The following KCNIP1 variants were observed in gnomAD, a reference collection of about 807,000 sequenced individuals.
KCNIP1 encodes the protein A-type potassium channel modulatory protein KCNIP1.
In KCNIP1, 18 loss-of-function variants were observed where a neutral mutation model predicts 33.0. That is an observed-to-expected ratio of 0.55 (90% CI 0.38 to 0.81). The LOEUF (loss-of-function observed/expected upper bound fraction) is 0.81. Ranked by LOEUF, KCNIP1 falls within the 30% of genes least tolerant of loss-of-function variation. KCNIP1 has a pLI of 0.00. For missense variants in KCNIP1, 238 were observed against 271.6 expected (o/e 0.88, Z 0.87); for synonymous variants, 93 against 98.3 (o/e 0.95, Z 0.32).
chr5:170,630,731 G>A (rs1412826122), intron 1 of KCNIP1, among the ~76,000 whole-genome samples: 1 of 152,210 alleles, frequency 6.6e-6, no homozygotes, highest in East Asian at 1.9e-4. Flanking sequence ...AGCAATCACA[G>A]CCTCTCCATC....
At chr5:170,535,977 A>G (rs1302942232) in intron 1 of KCNIP1, among the ~76,000 whole-genome samples, 1 of 152,202 alleles carries the variant, frequency 6.6e-6, no homozygotes, top group Non-Finnish European at 1.5e-5. Context: ...CATCTGTGAA[A>G]TGGGATTGAT....
chr5:170,653,681 TTCTCTC>T (rs147435186), intron 1 of KCNIP1, among the ~76,000 whole-genome samples: 10 of 150,372 alleles, frequency 6.7e-5, no homozygotes, highest in African/African-American at 2.2e-4. Flanking sequence ...CTCAGTCTCC[TTCTCTC>T]TCTCTCTCTC....
intron 1 of KCNIP1, among the ~76,000 whole-genome samples, chr5:170,513,217 A>T (rs574513986): frequency 1.3e-5 from 2 of 152,376 alleles, no homozygotes; most frequent in Middle Eastern, 3.4e-3. Context: ...ATATCAAGCC[A>T]GAAGAGGCTT....
At chr5:170,531,029 C>T (rs1174643426) in intron 1 of KCNIP1, among the ~76,000 whole-genome samples, 7 of 152,156 alleles carry the variant, frequency 4.6e-5, no homozygotes, top group Non-Finnish European at 1.0e-4. Context: ...TAATAAATTC[C>T]TTCTCTGCAT....
chr5:170,637,615 C>G (rs1760339160), intron 1 of KCNIP1, among the ~76,000 whole-genome samples: 1 of 152,168 alleles, frequency 6.6e-6, no homozygotes, highest in Non-Finnish European at 1.5e-5. Context: ...TCAGGCTGTT[C>G]CCACTGCCTG....
intron 1 of KCNIP1, among the ~76,000 whole-genome samples, chr5:170,635,768 G>A (rs1310808794): frequency 6.6e-6 from 1 of 152,240 alleles, no homozygotes; most frequent in African/African-American, 2.4e-5. Flanking sequence ...TGGAGGGTAT[G>A]GAGTGGAAGG....
At chr5:170,717,713 T>G (rs1223803938) in intron 1 of KCNIP1, among the ~76,000 whole-genome samples, 3 of 152,216 alleles carry the variant, frequency 2.0e-5, no homozygotes, top group African/African-American at 7.2e-5. Flanking sequence ...TCACCTGATG[T>G]GGCAACTCAG....
chr5:170,388,669 A>C (rs1340109013), intron 1 of KCNIP1, among the ~76,000 whole-genome samples: 1 of 152,186 alleles, frequency 6.6e-6, no homozygotes, highest in Non-Finnish European at 1.5e-5. Context: ...ATTGTTGAAC[A>C]GTTTGGTGGG....
At chr5:170,583,938 C>A (rs1357269552) in intron 1 of KCNIP1, among the ~76,000 whole-genome samples, 1 of 152,146 alleles carries the variant, frequency 6.6e-6, no homozygotes, top group African/African-American at 2.4e-5. Context: ...ATGATCACAT[C>A]AGGTCGTTAT....
At chr5:170,684,926 A>G (rs116492224) in intron 1 of KCNIP1, among the ~76,000 whole-genome samples, 6 of 151,554 alleles carry the variant, frequency 4.0e-5, no homozygotes, top group African/African-American at 1.4e-4. Flanking sequence ...CCTTCTTGGA[A>G]ATATCAGAAG....
chr5:170,684,551 A>G (rs1255046693), intron 1 of KCNIP1, among the ~76,000 whole-genome samples: 2 of 152,360 alleles, frequency 1.3e-5, no homozygotes, highest in Non-Finnish European at 2.9e-5. Flanking sequence ...ATCAAATAAA[A>G]TACATCCACT....
intron 1 of KCNIP1, among the ~76,000 whole-genome samples, chr5:170,492,891 A>T (rs1757234531): frequency 6.6e-6 from 1 of 152,194 alleles, no homozygotes. Flanking sequence ...CTGGGACTAC[A>T]GGTGCCCACC....
upstream of KCNIP1, among the ~76,000 whole-genome samples, chr5:170,500,152 G>T (rs1241635617): frequency 6.6e-6 from 1 of 152,172 alleles, no homozygotes; most frequent in African/African-American, 2.4e-5. Flanking sequence ...TGGTATCTTT[G>T]TGCGTGGGGG....
intron 1 of KCNIP1, among the ~76,000 whole-genome samples, chr5:170,421,675 C>T (rs1355904987): frequency 2.0e-5 from 3 of 152,052 alleles, no homozygotes; most frequent in Non-Finnish European, 4.4e-5. Flanking sequence ...TTCCCAAAGT[C>T]CCCACCTCCC....
intron 1 of KCNIP1, among the ~76,000 whole-genome samples, chr5:170,657,427 G>A (rs1056873648): frequency 3.3e-5 from 5 of 152,158 alleles, no homozygotes; most frequent in Non-Finnish European, 7.4e-5. Context: ...CTTAGGGCAG[G>A]CACCCACCAC....
intron 1 of KCNIP1, among the ~76,000 whole-genome samples, chr5:170,548,969 T>TGG (rs1756509486): frequency 6.6e-6 from 1 of 152,140 alleles, no homozygotes; most frequent in South Asian, 2.1e-4. Context: ...ACCTGTAGCA[T>TGG]GGGGGCTGGG....
At chr5:170,496,261 T>G (rs1344239451) in intron 1 of KCNIP1, among the ~76,000 whole-genome samples, 1 of 152,224 alleles carries the variant, frequency 6.6e-6, no homozygotes, top group Non-Finnish European at 1.5e-5. Flanking sequence ...GTCCCTCCCA[T>G]GTGCATCCAT....
intron 1 of KCNIP1, among the ~76,000 whole-genome samples, chr5:170,596,635 A>T (rs1342197443): frequency 6.6e-6 from 1 of 152,266 alleles, no homozygotes; most frequent in Non-Finnish European, 1.5e-5. Context: ...ACTGGGGGCC[A>T]GTGCCTCGGC....
At chr5:170,416,174 TG>T (rs1755325052) in intron 1 of KCNIP1, among the ~76,000 whole-genome samples, 1 of 152,134 alleles carries the variant, frequency 6.6e-6, no homozygotes, top group Non-Finnish European at 1.5e-5. Context: ...CTGGGAAGGC[TG>T]GGGAGGATTC....
Sources: allele counts gnomAD v4.1 joint callset (sites outside exome capture counted in the v4.1 genomes callset), GRCh38; gene constraint gnomAD v4.1.1; transcripts MANE v1.5; gene names NCBI Gene and HGNC (gene_info 2026-07-23, HGNC 2026-07-21).